The following CCDC144A variants were observed in gnomAD, a reference collection of about 807,000 sequenced individuals.
CCDC144A encodes the protein coiled-coil domain containing 144A.
CCDC144A carries 41 observed loss-of-function variants against 143.8 expected under a neutral mutation model. The ratio of observed to expected loss-of-function variants is 0.29; its 90% CI spans 0.22 to 0.37. The LOEUF (loss-of-function observed/expected upper bound fraction) is 0.37, where lower values mean the gene tolerates loss of function less well. CCDC144A is among the 10% of genes least tolerant of loss of function. The probability of loss-of-function intolerance (pLI) is 1.00; values close to 1 mark genes in which losing one functional copy is unlikely to be tolerated. For missense variants in CCDC144A, 637 were observed against 1,488.8 expected, an observed-to-expected ratio of 0.43 and a Z score of 9.41; for synonymous variants, 242 against 517.9, an observed-to-expected ratio of 0.47 and a Z score of 7.23.
At chr17:16,686,106 T>G (rs934248553), upstream of CCDC144A, among the ~76,000 whole-genome samples, 8 of 150,174 alleles carry the variant, frequency 5.3e-5, no homozygotes, top group Admixed American at 2.0e-4. Flanking sequence ...TTTTTTTTTT[T>G]TTTTTTGAGA....
chr17:16,670,563 A>G, the CCDC144A span, among the ~76,000 whole-genome samples: 1 of 151,992 alleles, frequency 6.6e-6, no homozygotes. Context: ...GCTGGAGTGC[A>G]TTGGTCCTAA....
At chr17:16,721,821 T>G (rs1352715653) in intron 8 of CCDC144A, among the ~76,000 whole-genome samples, 9 of 152,086 alleles carry the variant, frequency 5.9e-5, no homozygotes, top group Non-Finnish European at 8.8e-5. Context: ...CATTAAAACT[T>G]TATTTGCAAA....
the CCDC144A span, among the ~76,000 whole-genome samples, chr17:16,678,916 G>A: frequency 3.3e-5 from 5 of 151,796 alleles, no homozygotes; most frequent in South Asian, 2.1e-4. Flanking sequence ...CACCACGCCC[G>A]GCTAATTTTG....
chr17:16,691,298 G>A (rs1322867378), intron 1 of CCDC144A, among the ~76,000 whole-genome samples: 3 of 151,914 alleles, frequency 2.0e-5, no homozygotes, highest in Non-Finnish European at 4.4e-5. Context: ...TTTTTTCATT[G>A]CTACCAGATC....
chr17:16,754,623 T>C (rs1227096908), intron 12 of CCDC144A, among the ~76,000 whole-genome samples: 2 of 152,212 alleles, frequency 1.3e-5, no homozygotes, highest in African/African-American at 2.4e-5. Flanking sequence ...AGAAGATATT[T>C]GATATGAGCT....
rs1234886974 is a variant in CCDC144A, at chr17:16,733,746, TA to T, written c.2419-941del. Among the ~76,000 whole-genome samples, 3 of 151,944 alleles carry T rather than the reference TA, an allele frequency of 2.0e-5. No homozygotes were observed. The East Asian group carries it at 5.8e-4, about 29-fold the overall frequency. On this transcript the variant is annotated intron_variant, in intron 11 of 16. Coordinates refer to ENST00000399273, the MANE Select transcript of CCDC144A (RefSeq NM_001382000.1). The stretch of plus-strand genomic sequence containing the variant: ...TGGTTTGGTGGAAGAGCACTAGAAG[TA>T]AAGTAAGGGGACCTAGGGAAAATCC...
chr17:16,761,313 G>C (rs1429090439), intron 12 of CCDC144A, 112 bp from the exon 13 acceptor site: 2 of 1,437,782 alleles, frequency 1.4e-6, no homozygotes, highest in South Asian at 1.5e-5. Context: ...CGGCCTGGGC[G>C]ACAGAGCGAG....
the CCDC144A span, among the ~76,000 whole-genome samples, chr17:16,667,309 AGG>A: frequency 7.7e-6 from 1 of 129,764 alleles, no homozygotes; most frequent in Non-Finnish European, 1.7e-5. Context: ...GAGGCGGCTG[AGG>A]GGCTGAGGAG....
rs4792767 is a variant in CCDC144A at position 16,715,990 on chromosome 17, T to C, written c.1715+4175T>C. The stretch of plus-strand genomic sequence containing the variant: ...GACTGTATTTACAACTGGCTGTGGG[T>C]GGTTGCTTGTTACAAATGTAGCTAC... On this transcript the variant is annotated intron_variant, in intron 6 of 16. Coordinates refer to ENST00000399273, the MANE Select transcript of CCDC144A (RefSeq NM_001382000.1). Among the ~76,000 whole-genome samples, 584 of 152,346 alleles carry C rather than the reference T, an allele frequency of 3.8e-3. 6 individuals carry two copies. The highest frequency in any genetic ancestry group is 0.013 in the African/African-American group (556 of 41,570).
At chr17:16,750,543 G>A (rs1169095392) in intron 12 of CCDC144A, among the ~76,000 whole-genome samples, 1 of 151,310 alleles carries the variant, frequency 6.6e-6, no homozygotes, top group Non-Finnish European at 1.5e-5. Flanking sequence ...TCTTGGGGAT[G>A]GTTGTAGAGG....
chr17:16,747,148 A>G (rs896218377), intron 12 of CCDC144A, among the ~76,000 whole-genome samples: 7 of 152,086 alleles, frequency 4.6e-5, no homozygotes, highest in African/African-American at 7.2e-5. Context: ...TCCCAGCACC[A>G]TTTATTGAAT....
the CCDC144A span, among the ~76,000 whole-genome samples, chr17:16,669,763 G>T: frequency 6.6e-6 from 1 of 152,174 alleles, no homozygotes; most frequent in Admixed American, 6.5e-5. Context: ...ATTCACAGAA[G>T]CCTCACATGT....
intron 9 of CCDC144A, among the ~76,000 whole-genome samples, chr17:16,730,116 G>T (rs1913670571): frequency 7.6e-6 from 1 of 130,884 alleles, no homozygotes; most frequent in Non-Finnish European, 1.6e-5. Flanking sequence ...CGGGATTACA[G>T]ATGTGAGCCA....
chr17:16,709,309 G>C lies in CCDC144A; in HGVS notation c.1252G>C (p.Asp418His), dbSNP rs759315609. Residue 418 changes from aspartate (D) to histidine (H), a missense_variant, in exon 5 of 17, where the codon GAT becomes CAT. Physicochemically the swap from Asp to His is moderately conservative, Grantham distance 81. Coordinates refer to ENST00000399273, the MANE Select transcript of CCDC144A (RefSeq NM_001382000.1). ...AGGCATTGGACATATTTTTAGTACA[G>C]ATAAGAACTTTCATAATGATGCAAG... ...KPGIGHIFST[D>H]KNFHNDASTK... The C allele has an allele frequency of 3.1e-6, 5 of 1,611,592 alleles. No individual in the cohort carries two copies. Among genetic ancestry groups the C allele is most frequent in the Non-Finnish European group, 4.2e-6 (5 of 1,179,578 alleles).
At chr17:16,748,136 G>A (rs1311249829) in intron 12 of CCDC144A, among the ~76,000 whole-genome samples, 2 of 152,076 alleles carry the variant, frequency 1.3e-5, no homozygotes, top group South Asian at 2.1e-4. Flanking sequence ...TCCTGTCTTC[G>A]CCTCCCAACA....
chr17:16,746,271 C>CTCCCTTT (rs370181880), intron 12 of CCDC144A: 1 of 727,894 alleles, frequency 1.4e-6, no homozygotes, highest in African/African-American at 2.4e-5. Flanking sequence ...CTCTCTCTCT[C>CTCCCTTT]TTTTTTTTTT....
At chr17:16,747,572 TG>T (rs1277288345) in intron 12 of CCDC144A, among the ~76,000 whole-genome samples, 1 of 152,244 alleles carries the variant, frequency 6.6e-6, no homozygotes, top group East Asian at 1.9e-4. Context: ...GCCATTTTTT[TG>T]GTGTCATCTA....
At position 16,745,765 on chromosome 17, in the gene CCDC144A, T is replaced by C. The variant is rs1686062187; in HGVS notation, c.3372+10122T>C. Reference sequence around the variant, plus strand: ...AGCTGCAAGGCTGGCCGGTCCTTGTTTGCCAGTCGCTCTTTTCTGGGTGCT... The same window carrying C: ...AGCTGCAAGGCTGGCCGGTCCTTGTCTGCCAGTCGCTCTTTTCTGGGTGCT... On this transcript the variant is annotated intron_variant, in intron 12 of 16. Transcript: ENST00000399273. 8.7e-6 allele frequency: 14 copies of C among 1,613,318 alleles called. No individual in the cohort carries two copies. The South Asian group carries it at 1.4e-4, about 16-fold the overall frequency.
chr17:16,755,042 A>T (rs1007675384), intron 12 of CCDC144A, among the ~76,000 whole-genome samples: 3 of 152,166 alleles, frequency 2.0e-5, no homozygotes, highest in Admixed American at 6.5e-5. Flanking sequence ...TGTCTGATAT[A>T]AATATAGCTA....
Sources: allele counts gnomAD v4.1 joint callset (sites outside exome capture counted in the v4.1 genomes callset), GRCh38; gene constraint gnomAD v4.1.1; transcripts MANE v1.5; gene names NCBI Gene and HGNC (gene_info 2026-07-23, HGNC 2026-07-21).